The following CDH18 variants were observed in gnomAD, a reference collection of about 807,000 sequenced individuals.
CDH18 encodes cadherin-18.
A neutral mutation model predicts 67.9 loss-of-function variants in CDH18; 31 were observed. That is an observed-to-expected ratio of 0.46 (90% CI 0.34 to 0.62). The LOEUF (loss-of-function observed/expected upper bound fraction) is 0.62. Ranked by LOEUF, CDH18 falls within the 20% of genes least tolerant of loss-of-function variation. The pLI is 0.01. For synonymous variants in CDH18, 362 were observed against 347.2 expected, an observed-to-expected ratio of 1.04 and a Z score of -0.48; for missense variants, 890 against 975.5, an observed-to-expected ratio of 0.91 and a Z score of 1.17.
chr5:19,967,094 A>AT (rs1797519277), intron 2 of CDH18, among the ~76,000 whole-genome samples: 1 of 151,994 alleles, frequency 6.6e-6, no homozygotes, highest in Non-Finnish European at 1.5e-5. Context: ...TAGGTTTAAA[A>AT]GAAAAAAATG....
At chr5:20,566,356 TTTTC>T (rs1443873675) in intron 1 of CDH18, among the ~76,000 whole-genome samples, 1 of 136,864 alleles carries the variant, frequency 7.3e-6, no homozygotes, top group Non-Finnish European at 1.5e-5. Flanking sequence ...TTTTTTTTCT[TTTTC>T]TTTTTTTTTT....
rs184541165 is a variant in CDH18, at chr5:20,084,345, C to T, written c.-517-92331G>A. On this transcript the variant is annotated intron_variant, in intron 2 of 14. Coordinates refer to the CDH18 transcript ENST00000507958. ...GTCATGCTGATGCAAGAGATGGGTT[C>T]CTATGGCCTTGGGCAGCTCCACCCC... 2.1e-3 allele frequency among the ~76,000 whole-genome samples: 327 copies of T among 152,328 alleles called. 1 individual carries two copies. Among genetic ancestry groups the T allele is most frequent in the African/African-American group, 7.4e-3 (308 of 41,586 alleles).
rs191750105 is a variant in CDH18, at chr5:19,688,091, T to A, written c.643+33256A>T. On this transcript the variant is annotated intron_variant, in intron 5 of 12. Coordinates refer to ENST00000382275, the MANE Select transcript of CDH18 (RefSeq NM_004934.5). ...AGCAGCCACCATTAACACCACAGCA[T>A]GCTGCTTAGGAGCCTAAGGGTTTTC... is the stretch of plus-strand genomic sequence containing the variant. Among the ~76,000 whole-genome samples the A allele has an allele frequency of 2.5e-4, 38 of 152,268 alleles. 1 individual carries two copies. The highest frequency in any genetic ancestry group is 9.1e-4 in the African/African-American group (38 of 41,562).
At chr5:19,932,281 T>C (rs1329232798) in intron 2 of CDH18, among the ~76,000 whole-genome samples, 2 of 151,760 alleles carry the variant, frequency 1.3e-5, no homozygotes, top group Non-Finnish European at 2.9e-5. Context: ...GGAAAGGATG[T>C]TTTATACTCA....
intron 2 of CDH18, among the ~76,000 whole-genome samples, chr5:20,073,876 G>T (rs1743700476): frequency 6.6e-6 from 1 of 151,976 alleles, no homozygotes; most frequent in South Asian, 2.1e-4. Context: ...TCTGAGATTT[G>T]GTGGATGTCT....
intron 2 of CDH18, among the ~76,000 whole-genome samples, chr5:20,162,932 G>A (rs1736002200): frequency 6.6e-6 from 1 of 151,918 alleles, no homozygotes; most frequent in Non-Finnish European, 1.5e-5. Flanking sequence ...GGTGGTGCAT[G>A]CCTGTGATCC....
chr5:20,552,178 A>T (rs896363230), intron 1 of CDH18, among the ~76,000 whole-genome samples: 47 of 137,172 alleles, frequency 3.4e-4, no homozygotes. Context: ...TGGTTTCATT[A>T]AAAAAAAAAA....
intron 2 of CDH18, among the ~76,000 whole-genome samples, chr5:20,123,145 G>T (rs1366209301): frequency 6.6e-6 from 1 of 151,324 alleles, no homozygotes; most frequent in Non-Finnish European, 1.5e-5. Flanking sequence ...AATATATGGG[G>T]ACTCCAGCCT....
intron 2 of CDH18, among the ~76,000 whole-genome samples, chr5:20,056,263 C>T (rs570071588): frequency 6.0e-5 from 9 of 149,282 alleles, no homozygotes; most frequent in African/African-American, 2.2e-4. Flanking sequence ...CTTGGCCTCC[C>T]GTAGTGCTGG....
chr5:19,798,016 A>T (rs1305571772), intron 3 of CDH18, among the ~76,000 whole-genome samples: 1 of 152,078 alleles, frequency 6.6e-6, no homozygotes, highest in Non-Finnish European at 1.5e-5. Flanking sequence ...ATAGAACTCC[A>T]CAAATATCTT....
At chr5:20,460,692 CT>C (rs1366412567) in intron 1 of CDH18, among the ~76,000 whole-genome samples, 4 of 152,108 alleles carry the variant, frequency 2.6e-5, no homozygotes, top group Non-Finnish European at 5.9e-5. Flanking sequence ...AGATAGAATT[CT>C]GCTATGGATG....
At chr5:20,555,565 C>T (rs1274205716) in intron 1 of CDH18, among the ~76,000 whole-genome samples, 1 of 151,810 alleles carries the variant, frequency 6.6e-6, no homozygotes, top group Non-Finnish European at 1.5e-5. Flanking sequence ...CTGCCTCAGC[C>T]TCCCAAGTAG....
At chr5:20,482,095 A>T (rs1402944874) in intron 1 of CDH18, among the ~76,000 whole-genome samples, 2 of 151,938 alleles carry the variant, frequency 1.3e-5, no homozygotes, top group African/African-American at 4.8e-5. Context: ...TTATAGATGG[A>T]AAAGGAGACA....
chr5:19,702,336 A>T (rs1382654970), intron 5 of CDH18, among the ~76,000 whole-genome samples: 1 of 151,606 alleles, frequency 6.6e-6, no homozygotes, highest in Non-Finnish European at 1.5e-5. Context: ...TTTAGTAGAG[A>T]GGTGGTTTCA....
chr5:20,378,325 C>A (rs993717770), intron 1 of CDH18, among the ~76,000 whole-genome samples: 3 of 152,072 alleles, frequency 2.0e-5, no homozygotes, highest in Non-Finnish European at 2.9e-5. Context: ...GCACCCACCA[C>A]CACGCCCAGC....
At chr5:19,474,326 T>C (rs1324300115) in intron 12 of CDH18, among the ~76,000 whole-genome samples, 1 of 152,188 alleles carries the variant, frequency 6.6e-6, no homozygotes, top group African/African-American at 2.4e-5. Flanking sequence ...TAATGTTTCA[T>C]TATTTGTACA....
rs151234830 is a variant in CDH18, at chr5:19,942,497, T to A, written c.-257+38563A>T. ...GCGATATTCCTATAAAATATTCAAA[T>A]TTACCACGGAAAATATGTCCATTCT... On this transcript the variant is annotated intron_variant, in intron 2 of 12. Transcript: ENST00000382275. 1.4e-4 allele frequency among the ~76,000 whole-genome samples: 21 copies of A among 152,290 alleles called. 1 individual carries two copies. Among genetic ancestry groups the A allele is most frequent in the Admixed American group, 2.0e-4 (3 of 15,276 alleles).
intron 2 of CDH18, among the ~76,000 whole-genome samples, chr5:20,035,290 G>T (rs1739751947): frequency 6.6e-6 from 1 of 151,906 alleles, no homozygotes; most frequent in East Asian, 1.9e-4. Context: ...TTATATGCTG[G>T]ATTTACAATT....
intron 1 of CDH18, among the ~76,000 whole-genome samples, chr5:20,543,230 A>G (rs984243897): frequency 6.6e-6 from 1 of 151,298 alleles, no homozygotes; most frequent in Non-Finnish European, 1.5e-5. Flanking sequence ...TATATTTCAG[A>G]GTAACAGGTA....
Sources: allele counts gnomAD v4.1 joint callset (sites outside exome capture counted in the v4.1 genomes callset), GRCh38; gene constraint gnomAD v4.1.1; transcripts MANE v1.5; gene names NCBI Gene and HGNC (gene_info 2026-07-23, HGNC 2026-07-21).